ULK4: variants seen among roughly 807,000 people sequenced by gnomAD.
ULK4 encodes unc-51 like kinase 4.
A neutral mutation model predicts 160.6 loss-of-function variants in ULK4; 133 were observed. The observed-to-expected ratio is 0.83, with a 90% CI of 0.72 to 0.96. ULK4 has a LOEUF of 0.96. ULK4 is among the 40% of genes least tolerant of loss of function. ULK4 has a pLI of 0.00. For synonymous variants in ULK4, 534 were observed against 539.8 expected, an observed-to-expected ratio of 0.99 and a Z score of 0.15; for missense variants, 1,580 against 1,499.5, an observed-to-expected ratio of 1.05 and a Z score of -0.89.
intron 29 of ULK4, among the ~76,000 whole-genome samples, chr3:41,666,720 T>A (rs528299395): frequency 6.6e-6 from 1 of 152,326 alleles, no homozygotes; most frequent in East Asian, 1.9e-4. Context: ...CTTATTCACA[T>A]GCTTGTGTGG....
At chr3:41,619,294 C>G (rs769680627) in intron 30 of ULK4, among the ~76,000 whole-genome samples, 4 of 152,054 alleles carry the variant, frequency 2.6e-5, no homozygotes, top group Non-Finnish European at 5.9e-5. Context: ...ACCTACAGAA[C>G]TCTCCACCAC....
At chr3:41,941,198 G>A (rs771674816) in intron 2 of ULK4, among the ~76,000 whole-genome samples, 16 of 151,302 alleles carry the variant, frequency 1.1e-4, no homozygotes, top group Non-Finnish European at 2.2e-4. Flanking sequence ...CACTACATTC[G>A]GCTGACTTTT....
intron 17 of ULK4, among the ~76,000 whole-genome samples, chr3:41,864,899 T>G (rs1335527934): frequency 6.6e-6 from 1 of 152,134 alleles, no homozygotes; most frequent in Non-Finnish European, 1.5e-5. Flanking sequence ...CTATCTTCAA[T>G]GCCCAGATTC....
At position 41,892,754 on chromosome 3, in the gene ULK4, A is replaced by G. The variant is rs577361511; in HGVS notation, c.1577+2764T>C. Among the ~76,000 whole-genome samples the G allele has an allele frequency of 5.3e-5, 8 of 152,334 alleles. No homozygotes were observed. In the South Asian group the frequency reaches 1.7e-3, roughly 32 times the overall value. On this transcript the variant is annotated intron_variant, in intron 16 of 36. Coordinates refer to ENST00000301831, the MANE Select transcript of ULK4 (RefSeq NM_017886.4). ...AGGAACTGAAACTTACCAAATCACC[A>G]TATCTGGACCATAAGACACCAGACC...
chr3:41,321,250 T>G (rs1354319643), intron 35 of ULK4, among the ~76,000 whole-genome samples: 1 of 152,126 alleles, frequency 6.6e-6, no homozygotes, highest in Non-Finnish European at 1.5e-5. Flanking sequence ...CAGTGCCTGT[T>G]GGAAACTCAG....
chr3:41,393,765 C>T (rs768213952), intron 35 of ULK4, among the ~76,000 whole-genome samples: 25 of 152,258 alleles, frequency 1.6e-4, no homozygotes, highest in Middle Eastern at 3.4e-3. Context: ...TCTCTCAGGT[C>T]CTGTCTGGAT....
At chr3:41,762,756 A>G (rs566151921) in intron 21 of ULK4, among the ~76,000 whole-genome samples, 2 of 138,220 alleles carry the variant, frequency 1.4e-5, no homozygotes, top group South Asian at 2.3e-4. Context: ...TCCGCCTCCC[A>G]GGTTCACGCC....
intron 30 of ULK4, among the ~76,000 whole-genome samples, chr3:41,640,283 T>A (rs2034129049): frequency 6.6e-6 from 1 of 151,644 alleles, no homozygotes; most frequent in African/African-American, 2.4e-5. Flanking sequence ...TACAAGTGAG[T>A]CATTTCTTAA....
intron 35 of ULK4, among the ~76,000 whole-genome samples, chr3:41,336,372 C>T (rs925915623): frequency 7.9e-5 from 12 of 152,192 alleles, no homozygotes; most frequent in African/African-American, 2.7e-4. Context: ...ACTTCAAGCT[C>T]CCTCTGAAAC....
chr3:41,753,843 G>T (rs553784189), intron 22 of ULK4, among the ~76,000 whole-genome samples: 1 of 152,280 alleles, frequency 6.6e-6, no homozygotes, highest in East Asian at 1.9e-4. Context: ...AAAGGAAAAA[G>T]GTTAATTAAT....
At chr3:41,341,995 G>A (rs1370654158) in intron 35 of ULK4, among the ~76,000 whole-genome samples, 1 of 152,158 alleles carries the variant, frequency 6.6e-6, no homozygotes, top group East Asian at 1.9e-4. Flanking sequence ...GCACATTTCA[G>A]CAGACGAGTC....
Position 41,717,916 on chromosome 3 carries a change from C to A in ULK4, c.2322-55G>T, listed in dbSNP as rs1207870894. The A allele has an allele frequency of 1.9e-6, 3 of 1,562,966 alleles. No individual in the cohort carries two copies. The Admixed American group carries it at 5.0e-5, about 26-fold the overall frequency. ...CTCATGATAAAACACTTGATAGCATCTATCCAAAAATGCCGCCAAGGCAAG... is the reference window on the plus strand; with the variant it reads ...CTCATGATAAAACACTTGATAGCATATATCCAAAAATGCCGCCAAGGCAAG... On this transcript the variant is annotated intron_variant, in intron 22 of 36. Coordinates refer to ENST00000301831, the MANE Select transcript of ULK4 (RefSeq NM_017886.4).
intron 31 of ULK4, among the ~76,000 whole-genome samples, chr3:41,602,306 GAA>G (rs1491228410): frequency 9.4e-5 from 13 of 137,682 alleles, no homozygotes; most frequent in African/African-American, 2.9e-4. Context: ...GAAAGGAAAG[GAA>G]AGGAAAGGAA....
chr3:41,823,488 G>C lies in ULK4; in HGVS notation c.1765-3982C>G, dbSNP rs191523903. 1.6e-3 allele frequency among the ~76,000 whole-genome samples: 243 copies of C among 152,280 alleles called. 1 individual carries two copies. Among genetic ancestry groups the C allele is most frequent in the African/African-American group, 5.7e-3 (238 of 41,560 alleles). ...TGAACTCAGGGTGATAGGTATCCTT[G>C]ACAAAATCAAGAAAAACACAAAAAC... On this transcript the variant is annotated intron_variant, in intron 18 of 36. Coordinates refer to ENST00000301831, the MANE Select transcript of ULK4 (RefSeq NM_017886.4).
intron 29 of ULK4, among the ~76,000 whole-genome samples, chr3:41,675,120 GT>G (rs1452407766): frequency 9.2e-5 from 14 of 151,824 alleles, no homozygotes; most frequent in African/African-American, 3.4e-4. Context: ...CACGCCTGTA[GT>G]CCCAGCCACT....
intron 22 of ULK4, among the ~76,000 whole-genome samples, chr3:41,727,298 C>A (rs936058530): frequency 6.6e-6 from 1 of 152,120 alleles, no homozygotes; most frequent in East Asian, 1.9e-4. Context: ...AACTATTTAC[C>A]GTGTCTACTA....
rs570600033 is a variant in ULK4 at position 41,799,186 on chromosome 3, G to T, written c.2010+946C>A. Among the ~76,000 whole-genome samples the T allele has an allele frequency of 3.3e-5, 5 of 152,200 alleles. No homozygotes were observed. In the East Asian group the frequency reaches 7.7e-4, roughly 24 times the overall value. On this transcript the variant is annotated intron_variant, in intron 20 of 36. Coordinates refer to ENST00000301831, the MANE Select transcript of ULK4 (RefSeq NM_017886.4). ...AGCTGAACTAGAGAAATACAACAAG[G>T]ATGCCACATAGCGTTTGAGAGCCCA...
intron 35 of ULK4, among the ~76,000 whole-genome samples, chr3:41,396,120 C>T (rs913969031): frequency 2.0e-5 from 3 of 151,766 alleles, no homozygotes; most frequent in African/African-American, 4.8e-5. Context: ...AACTTTTTTT[C>T]GTAAGTTTTG....
chr3:41,400,987 T>A (rs2082167641), intron 34 of ULK4, among the ~76,000 whole-genome samples: 1 of 152,148 alleles, frequency 6.6e-6, no homozygotes, highest in African/African-American at 2.4e-5. Flanking sequence ...GTTAATTGGG[T>A]GTTTGATTCT....
Sources: allele counts gnomAD v4.1 joint callset (sites outside exome capture counted in the v4.1 genomes callset), GRCh38; gene constraint gnomAD v4.1.1; transcripts MANE v1.5; gene names NCBI Gene and HGNC (gene_info 2026-07-23, HGNC 2026-07-21).